Variants in CSMD3 observed in about 807,000 individuals in gnomAD.
CSMD3 encodes the protein CUB and Sushi multiple domains 3, also known as CUB and sushi domain-containing protein 3.
CSMD3 carries 177 observed loss-of-function variants against 435.2 expected under a neutral mutation model. The observed-to-expected ratio is 0.41, with a 90% CI of 0.36 to 0.46. The LOEUF is 0.46. Among genes scored for constraint, CSMD3 ranks in the 20% least tolerant of loss-of-function variants. CSMD3 has a pLI of 0.34. For synonymous variants in CSMD3, 1,656 were observed against 1,520.5 expected (o/e 1.09, Z -2.07); for missense variants, 4,265 against 4,504.6 (o/e 0.95, Z 1.52).
intron 10 of CSMD3, among the ~76,000 whole-genome samples, chr8:112,919,924 G>A (rs948978491): frequency 1.3e-5 from 2 of 151,760 alleles, no homozygotes; most frequent in African/African-American, 2.4e-5. Context: ...TATAGACAAT[G>A]TTTTTTGGGT....
intron 16 of CSMD3, among the ~76,000 whole-genome samples, chr8:112,675,977 A>G (rs925213189): frequency 1.3e-5 from 2 of 152,106 alleles, no homozygotes; most frequent in African/African-American, 4.8e-5. Flanking sequence ...TATGGTTATG[A>G]CAGAAAGAAA....
At chr8:112,515,713 T>A (rs904017578) in intron 28 of CSMD3, among the ~76,000 whole-genome samples, 1 of 152,040 alleles carries the variant, frequency 6.6e-6, no homozygotes, top group Non-Finnish European at 1.5e-5. Context: ...TACTTCTTTG[T>A]CATTTGTCTT....
At chr8:113,041,136 G>A (rs1312331729) in intron 5 of CSMD3, among the ~76,000 whole-genome samples, 1 of 149,542 alleles carries the variant, frequency 6.7e-6, no homozygotes. Context: ...AACCAGGGAA[G>A]CAGAGGTTGC....
chr8:112,410,357 TTA>T (rs2130101191), intron 32 of CSMD3, among the ~76,000 whole-genome samples: 1 of 151,270 alleles, frequency 6.6e-6, no homozygotes, highest in East Asian at 1.9e-4. Context: ...GAATACAAAT[TTA>T]TGTTTCCACC....
intron 20 of CSMD3, 105 bp downstream of exon 20, chr8:112,645,004 T>C (rs1203103089): frequency 1.3e-5 from 10 of 771,430 alleles, no homozygotes; most frequent in Non-Finnish European, 2.4e-5. Context: ...GTAGTACTGA[T>C]CTGTTTTTGC....
At chr8:112,770,635 T>C (rs988489557) in intron 13 of CSMD3, among the ~76,000 whole-genome samples, 1 of 152,044 alleles carries the variant, frequency 6.6e-6, no homozygotes, top group Non-Finnish European at 1.5e-5. Flanking sequence ...ATCTCTATTA[T>C]GATTGTTACT....
intron 27 of CSMD3, among the ~76,000 whole-genome samples, chr8:112,545,501 A>AAAAAAAAT (rs1554609897): frequency 8.2e-6 from 1 of 122,692 alleles, no homozygotes; most frequent in Non-Finnish European, 1.6e-5. Context: ...AAAAAAAAAA[A>AAAAAAAAT]AATAATAATA....
chr8:113,302,664 T>C (rs748845773), intron 2 of CSMD3, among the ~76,000 whole-genome samples: 62 of 151,864 alleles, frequency 4.1e-4, no homozygotes, highest in Non-Finnish European at 6.9e-4. Context: ...GAAAACCACA[T>C]GATTATCTCA....
chr8:112,345,804 T>G (rs1387195938), intron 41 of CSMD3, among the ~76,000 whole-genome samples: 1 of 152,054 alleles, frequency 6.6e-6, no homozygotes, highest in Non-Finnish European at 1.5e-5. Flanking sequence ...CAAAACATCA[T>G]GTTGTACATG....
intron 1 of CSMD3, among the ~76,000 whole-genome samples, chr8:113,358,370 T>C (rs1423979000): frequency 1.3e-5 from 2 of 152,018 alleles, no homozygotes; most frequent in Non-Finnish European, 2.9e-5. Context: ...ACTTTTTTTT[T>C]GAGATGTAGT....
At chr8:113,328,734 TC>T (rs1232748329) in intron 1 of CSMD3, among the ~76,000 whole-genome samples, 8 of 116,932 alleles carry the variant, frequency 6.8e-5, no homozygotes, top group African/African-American at 2.8e-4. Context: ...TTCCTTCTTT[TC>T]TTTTTTTTTT....
At chr8:113,067,735 T>G (rs2088923106) in intron 5 of CSMD3, among the ~76,000 whole-genome samples, 1 of 152,136 alleles carries the variant, frequency 6.6e-6, no homozygotes, top group African/African-American at 2.4e-5. Flanking sequence ...TTAAAAATAC[T>G]TCTCATATGT....
At chr8:113,220,395 A>G (rs564454877) in intron 3 of CSMD3, among the ~76,000 whole-genome samples, 1 of 151,548 alleles carries the variant, frequency 6.6e-6, no homozygotes, top group South Asian at 2.1e-4. Context: ...AGACAGTCAC[A>G]AGCATACAGG....
chr8:112,740,387 A>T (rs761741583), intron 13 of CSMD3, among the ~76,000 whole-genome samples: 12 of 151,840 alleles, frequency 7.9e-5, no homozygotes, highest in Non-Finnish European at 1.8e-4. Flanking sequence ...TCACTTAAAT[A>T]ATACATGTCA....
chr8:112,820,357 T>C (rs889234405), intron 12 of CSMD3, among the ~76,000 whole-genome samples: 4 of 152,110 alleles, frequency 2.6e-5, no homozygotes, highest in Admixed American at 2.0e-4. Context: ...TGTTAATCAA[T>C]TGCTATATTT....
chr8:113,001,379 A>T (rs1487766016), intron 6 of CSMD3, among the ~76,000 whole-genome samples: 1 of 152,028 alleles, frequency 6.6e-6, no homozygotes, highest in African/African-American at 2.4e-5. Context: ...GGTTCTTCAA[A>T]CTTGTTAAGC....
At chr8:112,444,372 A>G (rs1815366830) in intron 32 of CSMD3, among the ~76,000 whole-genome samples, 1 of 152,218 alleles carries the variant, frequency 6.6e-6, no homozygotes, top group Non-Finnish European at 1.5e-5. Context: ...CTGAAGAGAA[A>G]TAAAGAGAAA....
At chr8:113,235,407 T>G (rs1270471435) in intron 3 of CSMD3, among the ~76,000 whole-genome samples, 1 of 152,132 alleles carries the variant, frequency 6.6e-6, no homozygotes, top group Non-Finnish European at 1.5e-5. Flanking sequence ...TATTCCATAG[T>G]CATAGCCAGA....
intron 13 of CSMD3, among the ~76,000 whole-genome samples, chr8:112,745,200 C>T (rs1488294970): frequency 1.3e-5 from 2 of 152,044 alleles, no homozygotes; most frequent in Admixed American, 6.5e-5. Flanking sequence ...TGAGTGTTTT[C>T]TCAAGAGTCC....
Sources: allele counts gnomAD v4.1 joint callset (sites outside exome capture counted in the v4.1 genomes callset), GRCh38; gene constraint gnomAD v4.1.1; transcripts MANE v1.5; gene names NCBI Gene and HGNC (gene_info 2026-07-23, HGNC 2026-07-21).